Variants in XPO4 observed in about 807,000 individuals in gnomAD.
The protein encoded by XPO4 is exportin 4.
In XPO4, 39 loss-of-function variants were observed where a neutral mutation model predicts 143.0. The observed-to-expected ratio is 0.27, with a 90% CI of 0.21 to 0.36. XPO4 has a LOEUF of 0.36. Among genes scored for constraint, XPO4 ranks in the 10% least tolerant of loss-of-function variants. The probability of loss-of-function intolerance (pLI) is 1.00; values close to 1 mark genes in which losing one functional copy is unlikely to be tolerated. For synonymous variants in XPO4, 439 were observed against 474.0 expected (o/e 0.93, Z 0.96); for missense variants, 907 against 1,348.0 (o/e 0.67, Z 5.12).
At chr13:20,896,671 T>A (rs1392214867) in intron 1 of XPO4, among the ~76,000 whole-genome samples, 2 of 152,196 alleles carry the variant, frequency 1.3e-5, no homozygotes, top group Non-Finnish European at 2.9e-5. Flanking sequence ...CACCTGCAAA[T>A]AATCATTTTT....
At chr13:20,789,934 C>T (rs1051364544) in intron 19 of XPO4, among the ~76,000 whole-genome samples, 2 of 152,114 alleles carry the variant, frequency 1.3e-5, no homozygotes, top group African/African-American at 4.8e-5. Context: ...ACCACACCCT[C>T]AATATTAACT....
intron 1 of XPO4, among the ~76,000 whole-genome samples, chr13:20,878,511 C>G (rs9506565): frequency 0.72 from 109,767 of 152,170 alleles, 39,961 homozygotes; most frequent in East Asian, 1. Flanking sequence ...AATTGAACTA[C>G]AGCTATATTT....
At chr13:20,869,572 T>A in intron 1 of XPO4, 1 of 851,178 alleles carries the variant, frequency 1.2e-6, no homozygotes, top group Non-Finnish European at 1.4e-6. Flanking sequence ...TGATGAAAAA[T>A]GTTACAATCA....
chr13:20,862,127 A>G lies in XPO4; in HGVS notation c.317+590T>C, dbSNP rs117758265. On this transcript the variant is annotated intron_variant, in intron 3 of 22. Transcript: ENST00000255305. Reference sequence around the variant, plus strand: ...TATGTACACATATATGTAACATTTGATTTGTTAGTGGTACTTAGCTTCTTC... The same window carrying G: ...TATGTACACATATATGTAACATTTGGTTTGTTAGTGGTACTTAGCTTCTTC... Among the ~76,000 whole-genome samples, 229 of 152,196 alleles carry G rather than the reference A, an allele frequency of 1.5e-3. 4 individuals carry two copies. In the East Asian group the frequency reaches 0.041, roughly 27 times the overall value.
Position 20,893,326 on chromosome 13 carries a change from AC to A in XPO4, c.69+9343del, listed in dbSNP as rs1350136355. 2.0e-5 allele frequency among the ~76,000 whole-genome samples: 3 copies of A among 152,308 alleles called. No homozygotes were observed. The South Asian group carries it at 6.2e-4, about 32-fold the overall frequency. ...TTATGTAGGTAGCCCTGGCTGGACA[AC>A]AAAGACAGTGGACAGAAACAGTCTT... On this transcript the variant is annotated intron_variant, in intron 1 of 22. Transcript: ENST00000255305.
At chr13:20,900,045 AT>A (rs1169467562) in intron 1 of XPO4, among the ~76,000 whole-genome samples, 1 of 152,184 alleles carries the variant, frequency 6.6e-6, no homozygotes, top group Non-Finnish European at 1.5e-5. Context: ...ATTTGTGTAG[AT>A]TACTTAGCAT....
At chr13:20,857,928 A>C in intron 3 of XPO4, 1 of 985,178 alleles carries the variant, frequency 1.0e-6, no homozygotes, top group Non-Finnish European at 1.2e-6. Flanking sequence ...AAAAGAAAAA[A>C]TTCTGTGCAT....
intron 19 of XPO4, 118 bp from the exon 20 acceptor site, chr13:20,788,734 G>T: frequency 9.7e-7 from 1 of 1,034,534 alleles, no homozygotes; most frequent in African/African-American, 1.7e-5. Flanking sequence ...TTTAAAACAT[G>T]TACAAGATAT....
intron 22 of XPO4, 83 bp from the exon 23 acceptor site, chr13:20,784,002 T>A: frequency 7.2e-7 from 1 of 1,391,092 alleles, no homozygotes; most frequent in South Asian, 1.2e-5. Context: ...ACTGTGGGGT[T>A]CTAAAAGGCA....
intron 1 of XPO4, among the ~76,000 whole-genome samples, chr13:20,876,355 G>C (rs1452832222): frequency 6.6e-6 from 1 of 151,126 alleles, no homozygotes; most frequent in Admixed American, 6.6e-5. Flanking sequence ...TTGAAAAACG[G>C]TATTAGAGCA....
chr13:20,806,408 G>C (rs983276782), intron 13 of XPO4, among the ~76,000 whole-genome samples: 5 of 151,974 alleles, frequency 3.3e-5, no homozygotes, highest in African/African-American at 1.2e-4. Flanking sequence ...TCCTGTTTGA[G>C]TTACTGGTTT....
At chr13:20,815,660 A>G (rs566682925) in intron 9 of XPO4, among the ~76,000 whole-genome samples, 1 of 152,340 alleles carries the variant, frequency 6.6e-6, no homozygotes, top group Admixed American at 6.5e-5. Context: ...TTATCTTCAT[A>G]TGTAAACATA....
At chr13:20,799,033 A>AAG (rs2059397141) in intron 16 of XPO4, 132 bp downstream of exon 16, 3 of 992,416 alleles carry the variant, frequency 3.0e-6, no homozygotes, top group Non-Finnish European at 4.2e-6. Flanking sequence ...AAAAAAAAAA[A>AAG]AAAGAAAGAA....
intron 4 of XPO4, 39 bp from the exon 5 acceptor site, chr13:20,843,925 T>C (rs376848540): frequency 6.9e-7 from 1 of 1,456,576 alleles, no homozygotes; most frequent in African/African-American, 1.4e-5. Context: ...GAGGCATTAC[T>C]GTTTCAACGC....
chr13:20,863,925 A>C (rs1004336867), intron 2 of XPO4, among the ~76,000 whole-genome samples: 2 of 152,168 alleles, frequency 1.3e-5, no homozygotes, highest in Non-Finnish European at 2.9e-5. Flanking sequence ...AAAATCTTAC[A>C]AGTGTTCTTG....
At chr13:20,902,498 G>A (rs1223265616) in intron 1 of XPO4, 172 bp downstream of exon 1, 6 of 985,312 alleles carry the variant, frequency 6.1e-6, no homozygotes, top group East Asian at 1.1e-4. Context: ...GACGACGGCA[G>A]GAGGAAAGTA....
chr13:20,893,309 G>T (rs886257552), intron 1 of XPO4, among the ~76,000 whole-genome samples: 1 of 152,168 alleles, frequency 6.6e-6, no homozygotes, highest in African/African-American at 2.4e-5. Flanking sequence ...AATTATGTAG[G>T]TAGCCCTGGC....
intron 5 of XPO4, 22 bp downstream of exon 5, chr13:20,843,748 T>A: frequency 6.5e-7 from 1 of 1,534,244 alleles, no homozygotes; most frequent in East Asian, 2.3e-5. Context: ...TAATTAAAAC[T>A]CAAGAACAAA....
At chr13:20,839,376 A>G (rs1218883867) in intron 6 of XPO4, among the ~76,000 whole-genome samples, 1 of 152,236 alleles carries the variant, frequency 6.6e-6, no homozygotes, top group African/African-American at 2.4e-5. Flanking sequence ...GGGAAGGTGG[A>G]AATGGAGACT....
Sources: allele counts gnomAD v4.1 joint callset (sites outside exome capture counted in the v4.1 genomes callset), GRCh38; gene constraint gnomAD v4.1.1; transcripts MANE v1.5; gene names NCBI Gene and HGNC (gene_info 2026-07-23, HGNC 2026-07-21).